The following BST1 variants were observed in gnomAD, a reference collection of about 807,000 sequenced individuals.
BST1 encodes the protein bone marrow stromal cell antigen 1.
BST1 carries 49 observed loss-of-function variants against 40.6 expected under a neutral mutation model. The ratio of observed to expected loss-of-function variants is 1.21; its 90% CI spans 0.96 to 1.53. The LOEUF is 1.53. Among genes scored for constraint, BST1 ranks in the 40% most tolerant of loss-of-function variants. The probability of loss-of-function intolerance (pLI) is 0.00; values close to 1 mark genes in which losing one functional copy is unlikely to be tolerated. For synonymous variants in BST1, 157 were observed against 159.3 expected (o/e 0.99, Z 0.11); for missense variants, 423 against 395.9 (o/e 1.07, Z -0.58).
intron 3 of BST1, among the ~76,000 whole-genome samples, chr4:15,710,237 G>A (rs1477074469): frequency 2.0e-5 from 3 of 151,820 alleles, no homozygotes; most frequent in African/African-American, 7.3e-5. Flanking sequence ...GCCTCCCAAA[G>A]CACTGGCATT....
At position 15,721,202 on chromosome 4, in the gene BST1, C is replaced by T. The variant is rs76213304; in HGVS notation, c.792-1673C>T. Among the ~76,000 whole-genome samples the T allele has an allele frequency of 3.5e-3, 529 of 152,258 alleles. 1 individual carries two copies. Among genetic ancestry groups the T allele is most frequent in the Non-Finnish European group, 6.1e-3 (413 of 68,016 alleles). ...GAGGGTTAACATAACAAATCCAACT[C>T]CAACCCAGATGTGAGAAACTCCTGC... On this transcript the variant is annotated intron_variant, in intron 7 of 8. Coordinates refer to ENST00000265016, the MANE Select transcript of BST1 (RefSeq NM_004334.3).
At chr4:15,704,598 G>A (rs1313286161) in intron 1 of BST1, among the ~76,000 whole-genome samples, 1 of 152,042 alleles carries the variant, frequency 6.6e-6, no homozygotes, top group Non-Finnish European at 1.5e-5. Context: ...AGAGGTGTGT[G>A]TGAGTGTGAA....
At chr4:15,712,025 T>G in intron 4 of BST1, 136 bp downstream of exon 4, 1 of 673,036 alleles carries the variant, frequency 1.5e-6, no homozygotes, top group Non-Finnish European at 2.6e-6. Context: ...CACATCATGA[T>G]TCATGCTCTT....
At chr4:15,718,812 GCA>G in intron 6 of BST1, 93 bp from the exon 7 acceptor site, 1 of 1,017,384 alleles carries the variant, frequency 9.8e-7, no homozygotes, top group Middle Eastern at 2.9e-4. Flanking sequence ...ATATCCAGGA[GCA>G]CATGGTCAAA....
intron 6 of BST1, 86 bp downstream of exon 6, chr4:15,715,885 GT>G: frequency 9.8e-7 from 1 of 1,022,952 alleles, no homozygotes. Context: ...AACATTTTCA[GT>G]TTAGGGGAAA....
chr4:15,707,922 T>C (rs1473164302), intron 3 of BST1, among the ~76,000 whole-genome samples: 1 of 151,172 alleles, frequency 6.6e-6, no homozygotes, highest in Non-Finnish European at 1.5e-5. Flanking sequence ...TATCTATATC[T>C]ATATATACAC....
chr4:15,743,477 G>T, the BST1 span: 2 of 251,148 alleles, frequency 8.0e-6, no homozygotes, highest in Non-Finnish European at 1.6e-5. Flanking sequence ...AATAGCAGAA[G>T]AAAAAAAAAT....
At chr4:15,727,371 C>T (rs1461116674) in intron 8 of BST1, among the ~76,000 whole-genome samples, 1 of 152,148 alleles carries the variant, frequency 6.6e-6, no homozygotes, top group African/African-American at 2.4e-5. Flanking sequence ...CTTTGAATGT[C>T]AAGGATAAAA....
the BST1 span, among the ~76,000 whole-genome samples, chr4:15,757,631 A>T: frequency 6.6e-6 from 1 of 151,538 alleles, no homozygotes; most frequent in South Asian, 2.1e-4. Context: ...TTTCTTTTAA[A>T]AATTTTATTT....
At chr4:15,717,705 G>T (rs1720588442) in intron 6 of BST1, among the ~76,000 whole-genome samples, 1 of 152,154 alleles carries the variant, frequency 6.6e-6, no homozygotes, top group African/African-American at 2.4e-5. Context: ...TGGCATGGGA[G>T]GTAAGAATTT....
the BST1 span, among the ~76,000 whole-genome samples, chr4:15,749,273 T>C: frequency 3.3e-5 from 5 of 152,148 alleles, no homozygotes; most frequent in Non-Finnish European, 7.3e-5. Flanking sequence ...GTTGAGAGGA[T>C]GGGTCCAGAA....
chr4:15,707,398 C>A, intron 2 of BST1, 113 bp from the exon 3 acceptor site: 1 of 1,166,062 alleles, frequency 8.6e-7, no homozygotes. Context: ...TGTTGTGCAG[C>A]AGGTCAGAGT....
the BST1 span, among the ~76,000 whole-genome samples, chr4:15,748,555 G>A: frequency 4.6e-5 from 7 of 152,144 alleles, no homozygotes; most frequent in Non-Finnish European, 5.9e-5. Flanking sequence ...CTTTAATGAA[G>A]GATATCTGCC....
At chr4:15,766,967 C>T in the BST1 span, among the ~76,000 whole-genome samples, 2 of 151,760 alleles carry the variant, frequency 1.3e-5, no homozygotes, top group African/African-American at 4.9e-5. Flanking sequence ...GTCCCACTGC[C>T]GTTGCCAGCA....
chr4:15,735,304 C>G (rs1721515344), downstream of BST1, among the ~76,000 whole-genome samples: 1 of 152,188 alleles, frequency 6.6e-6, no homozygotes, highest in Non-Finnish European at 1.5e-5. Context: ...TAACTTCACC[C>G]TGGGACTGTG....
chr4:15,726,118 C>G (rs1326392122), intron 8 of BST1, among the ~76,000 whole-genome samples: 1 of 149,616 alleles, frequency 6.7e-6, no homozygotes, highest in Non-Finnish European at 1.5e-5. Context: ...CTTACCACTA[C>G]GCCAGCTAAC....
chr4:15,743,591 C>T, the BST1 span: 70 of 331,772 alleles, frequency 2.1e-4, no homozygotes, highest in African/African-American at 1.5e-3. Context: ...AGCTGGGAGC[C>T]TCTGCGGGAA....
intron 3 of BST1, among the ~76,000 whole-genome samples, chr4:15,710,951 G>A (rs960417244): frequency 4.0e-5 from 6 of 151,888 alleles, no homozygotes; most frequent in Admixed American, 1.3e-4. Flanking sequence ...CACCATACCC[G>A]GCTAATTTTT....
At chr4:15,758,708 C>T in the BST1 span, among the ~76,000 whole-genome samples, 4 of 152,338 alleles carry the variant, frequency 2.6e-5, no homozygotes, top group Middle Eastern at 3.4e-3. Flanking sequence ...CACCCTCACC[C>T]TCTAGCCTCT....
Sources: gnomAD v4.1 joint callset for allele counts (sites outside exome capture counted in the v4.1 genomes callset) on GRCh38, gnomAD v4.1.1 for gene constraint, MANE v1.5 for transcripts, NCBI Gene and HGNC (gene_info 2026-07-23, HGNC 2026-07-21) for gene names.